MAP7D2: variants seen among roughly 807,000 people sequenced by gnomAD.
MAP7D2 encodes the protein MAP7 domain-containing protein 2.
A neutral mutation model predicts 63.5 loss-of-function variants in MAP7D2; 33 were observed. The ratio of observed to expected loss-of-function variants is 0.52; its 90% confidence interval spans 0.39 to 0.70. The LOEUF (loss-of-function observed/expected upper bound fraction) is 0.70, where lower values mean the gene tolerates loss of function less well. Ranked by LOEUF, MAP7D2 falls within the 30% of genes least tolerant of loss-of-function variation. The pLI is 0.00. For missense variants in MAP7D2, 626 were observed against 604.0 expected (o/e 1.04, Z -0.38); for synonymous variants, 224 against 223.7 (o/e 1.00, Z -0.01).
At chrX:20,097,290 T>C (rs967027917) in intron 1 of MAP7D2, among the ~76,000 whole-genome samples, 1 of 112,249 alleles carries the variant, frequency 8.9e-6, no homozygotes, top group Non-Finnish European at 1.9e-5. Flanking sequence ...CACCACAAGA[T>C]TCTCTTGCCA....
intron 2 of MAP7D2, 130 bp downstream of exon 2, chrX:20,064,598 G>A (rs984667613): frequency 5.8e-6 from 3 of 520,304 alleles, no homozygotes; most frequent in African/African-American, 2.3e-5. Context: ...GTAGGTTCAC[G>A]CCTGATTCTT....
chrX:20,101,481 CAGG>C (rs1361080351), intron 1 of MAP7D2, among the ~76,000 whole-genome samples: 1 of 112,255 alleles, frequency 8.9e-6, no homozygotes, highest in Non-Finnish European at 1.9e-5. Flanking sequence ...TGTTTTGATT[CAGG>C]AGGTTACAAA....
chrX:20,039,829 T>C (rs767684382), intron 8 of MAP7D2, among the ~76,000 whole-genome samples: 1 of 109,326 alleles, frequency 9.1e-6, no homozygotes, highest in Non-Finnish European at 1.9e-5. Flanking sequence ...TGAAACCCCG[T>C]CTCTACTAAA....
chrX:20,017,965 C>CT (rs141142969), intron 10 of MAP7D2, among the ~76,000 whole-genome samples: 246 of 85,671 alleles, frequency 2.9e-3, no homozygotes, highest in East Asian at 0.012. Flanking sequence ...AATCCATTCT[C>CT]TTTTTTTTTT....
In MAP7D2 at chrX:20,116,820, T is replaced by G; in HGVS notation, c.60A>C (p.Gly20=). 5 of 1,183,806 alleles carry G rather than the reference T, an allele frequency of 4.2e-6. No homozygotes were observed. Among genetic ancestry groups the G allele is most frequent in the Non-Finnish European group, 5.7e-6 (5 of 883,142 alleles). The stretch of plus-strand genomic sequence containing the variant: ...CTGCGATCTTCCCTGGGAGAGAGGT[T>G]CCCCGCGCAGTCCCCTCAGGCCGGG... ...TGSRPEGTAR[G]TSLPGKIAEP... is the part of the protein sequence containing the mutation. Residue 20 remains glycine (G), a synonymous_variant, in exon 1 of 17, where the codon GGA becomes GGC. Transcript: ENST00000379643.
At chrX:20,064,542 T>C (rs1250816350) in intron 2 of MAP7D2, among the ~76,000 whole-genome samples, 186 bp downstream of exon 2, 2 of 112,004 alleles carry the variant, frequency 1.8e-5, no homozygotes, top group African/African-American at 6.5e-5. Context: ...GTTTGCCGAG[T>C]GAACTATTCT....
intron 10 of MAP7D2, among the ~76,000 whole-genome samples, chrX:20,017,926 AC>A (rs1371239126): frequency 9.2e-6 from 1 of 109,261 alleles, no homozygotes; most frequent in Non-Finnish European, 1.9e-5. Flanking sequence ...TTCATAAAGG[AC>A]CTGCCGTCTT....
chrX:20,083,389 T>C (rs1018887983), intron 1 of MAP7D2, among the ~76,000 whole-genome samples: 2 of 112,041 alleles, frequency 1.8e-5, no homozygotes, highest in Non-Finnish European at 3.8e-5. Context: ...GCTTTTCCCA[T>C]GTGCACTACA....
intron 1 of MAP7D2, among the ~76,000 whole-genome samples, chrX:20,074,135 C>CAA (rs775366987): frequency 1.0e-4 from 6 of 59,365 alleles, no homozygotes; most frequent in South Asian, 8.0e-4. Flanking sequence ...AACTCCGTCT[C>CAA]AAAAAAAAAA....
chrX:20,008,521 C>T (rs2073074586), intron 16 of MAP7D2, 123 bp from the exon 17 acceptor site: 1 of 112,367 alleles, frequency 8.9e-6, no homozygotes, highest in Admixed American at 9.5e-5. Context: ...ACCTTCTTGG[C>T]AATTATATTT....
intron 1 of MAP7D2, among the ~76,000 whole-genome samples, chrX:20,091,777 T>C (rs1446790007): frequency 1.8e-5 from 2 of 111,795 alleles, no homozygotes; most frequent in African/African-American, 6.5e-5. Flanking sequence ...GATACATATA[T>C]GGCATGGAAC....
intron 3 of MAP7D2, among the ~76,000 whole-genome samples, chrX:20,060,428 G>GAAAGAA (rs1424524935): frequency 5.0e-5 from 4 of 80,639 alleles, no homozygotes; most frequent in African/African-American, 1.8e-4. Flanking sequence ...GAGAGAGAGA[G>GAAAGAA]AGAGAGAAAG....
intron 1 of MAP7D2, among the ~76,000 whole-genome samples, chrX:20,067,166 T>C (rs2065381547): frequency 8.9e-6 from 1 of 112,225 alleles, no homozygotes; most frequent in South Asian, 3.7e-4. Flanking sequence ...AGCTCTGTAC[T>C]GCCCATGCTG....
intron 3 of MAP7D2, 121 bp downstream of exon 3, chrX:20,063,293 C>T: frequency 1.3e-6 from 1 of 742,861 alleles, no homozygotes; most frequent in East Asian, 3.4e-5. Context: ...GCATGGGAGC[C>T]ACCAAGGAGA....
chrX:20,011,512 T>C (rs1210326224), intron 15 of MAP7D2, among the ~76,000 whole-genome samples: 1 of 112,698 alleles, frequency 8.9e-6, no homozygotes, highest in East Asian at 2.8e-4. Flanking sequence ...TTGCTTTTCC[T>C]TCCTGCAGCC....
At chrX:20,039,519 G>A (rs777169065) in intron 8 of MAP7D2, among the ~76,000 whole-genome samples, 4 of 111,985 alleles carry the variant, frequency 3.6e-5, no homozygotes, top group Middle Eastern at 4.6e-3. Flanking sequence ...ATGGGTTCAA[G>A]TCGACAAGAG....
chrX:20,011,084 G>T, intron 15 of MAP7D2, 32 bp from the exon 16 acceptor site: 1 of 1,182,214 alleles, frequency 8.5e-7, no homozygotes, highest in South Asian at 1.8e-5. Flanking sequence ...GAGAGAGGCA[G>T]AAAGAGACAG....
chrX:20,021,724 T>G (rs1303816379), intron 10 of MAP7D2, among the ~76,000 whole-genome samples: 1 of 112,325 alleles, frequency 8.9e-6, no homozygotes, highest in African/African-American at 3.2e-5. Flanking sequence ...ATGTCCTTTC[T>G]TTACCTGTTA....
chrX:20,021,525 G>A (rs767489758), intron 10 of MAP7D2: 1 of 111,212 alleles, frequency 9.0e-6, no homozygotes, highest in African/African-American at 3.3e-5. Context: ...CACCTCCCAC[G>A]TGGCACTATG....
Sources: gnomAD v4.1 joint callset for allele counts (sites outside exome capture counted in the v4.1 genomes callset) on GRCh38, gnomAD v4.1.1 for gene constraint, MANE v1.5 for transcripts, NCBI Gene and HGNC (gene_info 2026-07-23, HGNC 2026-07-21) for gene names.